The following CCDC15 variants were observed in gnomAD, a reference collection of about 807,000 sequenced individuals.
The protein encoded by CCDC15 is coiled-coil domain-containing protein 15.
In CCDC15, 105 loss-of-function variants were observed where a neutral mutation model predicts 114.5. The ratio of observed to expected loss-of-function variants is 0.92; its 90% CI spans 0.78 to 1.08. The LOEUF is 1.08. Among genes scored for constraint, CCDC15 ranks in the 50% least tolerant of loss-of-function variants. The pLI is 0.00. For synonymous variants in CCDC15, 334 were observed against 377.8 expected (o/e 0.88, Z 1.34); for missense variants, 1,105 against 1,093.6 (o/e 1.01, Z -0.15).
chr11:124,962,802 C>A (rs1947692416), intron 4 of CCDC15, among the ~76,000 whole-genome samples: 1 of 152,172 alleles, frequency 6.6e-6, no homozygotes, highest in Non-Finnish European at 1.5e-5. Flanking sequence ...TCCCCGCTTC[C>A]CACCATGCCA....
chr11:125,021,365 T>C (rs1948659471), intron 13 of CCDC15, among the ~76,000 whole-genome samples: 1 of 151,912 alleles, frequency 6.6e-6, no homozygotes, highest in African/African-American at 2.4e-5. Flanking sequence ...TTCTTCATTA[T>C]TGTTCCCCTA....
intron 15 of CCDC15, 105 bp from the exon 16 acceptor site, chr11:125,040,480 GATAGT>G: frequency 1.1e-6 from 1 of 933,404 alleles, no homozygotes; most frequent in Non-Finnish European, 1.6e-6. Context: ...TTATTCAATA[GATAGT>G]TACTTGTAAG....
chr11:124,999,404 T>C (rs1211906350), intron 11 of CCDC15, among the ~76,000 whole-genome samples: 1 of 152,198 alleles, frequency 6.6e-6, no homozygotes, highest in East Asian at 1.9e-4. Flanking sequence ...TACACAAATT[T>C]TAGACCTTTT....
chr11:125,018,653 C>T lies in CCDC15; in HGVS notation c.2411+13441C>T, dbSNP rs140161171. Reference sequence around the variant, plus strand: ...ACAATAAGGATAATAATGATATATACCTCATAAAGTTCCTGCAAGGATTAA... The same window carrying T: ...ACAATAAGGATAATAATGATATATATCTCATAAAGTTCCTGCAAGGATTAA... On this transcript the variant is annotated intron_variant, in intron 13 of 15. Coordinates refer to ENST00000344762, the MANE Select transcript of CCDC15 (RefSeq NM_025004.3). Among the ~76,000 whole-genome samples the T allele has an allele frequency of 8.8e-3, 1,332 of 152,132 alleles. 27 individuals carry two copies. Among genetic ancestry groups the T allele is most frequent in the African/African-American group, 0.031 (1,270 of 41,516 alleles).
intron 13 of CCDC15, among the ~76,000 whole-genome samples, chr11:125,006,632 T>C (rs1285806098): frequency 1.3e-5 from 2 of 152,204 alleles, no homozygotes; most frequent in African/African-American, 4.8e-5. Flanking sequence ...TGTTACCTTC[T>C]AGGAGTTTTG....
intron 6 of CCDC15, among the ~76,000 whole-genome samples, chr11:124,982,574 T>C (rs559082164): frequency 6.6e-6 from 1 of 152,308 alleles, no homozygotes; most frequent in Non-Finnish European, 1.5e-5. Context: ...GTGAAATTCT[T>C]GGTTGTAAAT....
chr11:125,029,534 A>G (rs909329204), intron 13 of CCDC15, among the ~76,000 whole-genome samples: 3 of 152,248 alleles, frequency 2.0e-5, no homozygotes, highest in Admixed American at 1.3e-4. Context: ...TAAAATGAAG[A>G]TATTTTCTTA....
chr11:125,016,264 G>GT (rs1948628646), intron 13 of CCDC15, among the ~76,000 whole-genome samples: 1 of 152,016 alleles, frequency 6.6e-6, no homozygotes, highest in South Asian at 2.1e-4. Flanking sequence ...CCTGTGAGGT[G>GT]TTTAATATTC....
Position 125,011,772 on chromosome 11 carries a change from G to A in CCDC15, c.2411+6560G>A, listed in dbSNP as rs1037572705. On this transcript the variant is annotated intron_variant, in intron 13 of 15. Transcript: ENST00000344762. ...TCTAAGTATTTTAATGTCATAAGCT[G>A]AGCTAAAAAACTGTAAAATGACATA... Among the ~76,000 whole-genome samples the A allele has an allele frequency of 4.9e-5, 7 of 143,426 alleles. 1 individual carries two copies. The highest frequency in any genetic ancestry group is 1.5e-5 in the Non-Finnish European group (1 of 66,384). The allele number at this position is 143,426 out of a possible 152,430, so 94.1% of individuals were successfully genotyped here.
chr11:124,983,095 C>G (rs957999906), intron 6 of CCDC15, among the ~76,000 whole-genome samples: 6 of 152,138 alleles, frequency 3.9e-5, no homozygotes, highest in Admixed American at 2.0e-4. Context: ...GTTATTAATA[C>G]TACTGCATTA....
At chr11:124,957,990 C>A (rs1257678447) in intron 2 of CCDC15, among the ~76,000 whole-genome samples, 1 of 152,186 alleles carries the variant, frequency 6.6e-6, no homozygotes, top group Non-Finnish European at 1.5e-5. Flanking sequence ...ACTTCTAATT[C>A]TGCTACTAGT....
At chr11:125,032,587 G>A (rs543271232) in intron 13 of CCDC15, among the ~76,000 whole-genome samples, 16 of 152,184 alleles carry the variant, frequency 1.1e-4, no homozygotes, top group Admixed American at 7.9e-4. Flanking sequence ...ACTAATTGCC[G>A]CAATTCCTCC....
At chr11:124,983,759 T>C (rs1238748035) in intron 6 of CCDC15, among the ~76,000 whole-genome samples, 2 of 152,180 alleles carry the variant, frequency 1.3e-5, no homozygotes, top group Non-Finnish European at 2.9e-5. Flanking sequence ...TGTTTTTATG[T>C]GCCAGCAGCA....
At chr11:125,005,444 C>T (rs1050197200) in intron 13 of CCDC15, among the ~76,000 whole-genome samples, 1 of 152,018 alleles carries the variant, frequency 6.6e-6, no homozygotes, top group Non-Finnish European at 1.5e-5. Flanking sequence ...CAAAATTGAG[C>T]AGAAAGTACA....
At chr11:125,021,406 C>T (rs190186252) in intron 13 of CCDC15, among the ~76,000 whole-genome samples, 31 of 151,850 alleles carry the variant, frequency 2.0e-4, no homozygotes, top group African/African-American at 6.8e-4. Flanking sequence ...TTTCTAACTG[C>T]CCCCCAATAT....
chr11:124,987,878 G>A lies in CCDC15; in HGVS notation c.1652G>A (p.Trp551Ter), dbSNP rs868062031. The A allele has an allele frequency of 6.2e-7, 1 of 1,612,662 alleles. No homozygotes were observed. Among genetic ancestry groups the A allele is most frequent in the Non-Finnish European group, 8.5e-7 (1 of 1,179,610 alleles). The part of the protein sequence containing the change: ...SRDQHVLPKD[W>*]NILPKCQDQD... The stretch of plus-strand genomic sequence containing the variant: ...GACCAGCATGTTCTCCCCAAAGACT[G>A]GAATATTCTACCCAAATGTCAGGAC... Residue 551 changes from tryptophan (W) to a stop codon, truncating the protein, a stop_gained, in exon 8 of 16, where the codon TGG (tryptophan) becomes TAG (stop). Transcript: ENST00000344762. LOFTEE classifies it high-confidence loss of function.
At chr11:125,001,257 A>T (rs1948476466) in intron 11 of CCDC15, among the ~76,000 whole-genome samples, 1 of 152,250 alleles carries the variant, frequency 6.6e-6, no homozygotes, top group African/African-American at 2.4e-5. Flanking sequence ...TCAGTTGGCA[A>T]CATGCATATT....
intron 11 of CCDC15, among the ~76,000 whole-genome samples, chr11:125,000,909 A>G (rs1399082513): frequency 6.6e-6 from 1 of 152,194 alleles, no homozygotes; most frequent in South Asian, 2.1e-4. Context: ...TCAACTAATC[A>G]ATACATAACC....
At chr11:124,997,201 G>A (rs1175972903) in intron 11 of CCDC15, among the ~76,000 whole-genome samples, 1 of 152,100 alleles carries the variant, frequency 6.6e-6, no homozygotes, top group African/African-American at 2.4e-5. Flanking sequence ...AACAAATATC[G>A]AAAAAATGTG....
Sources: gnomAD v4.1 joint callset for allele counts (sites outside exome capture counted in the v4.1 genomes callset) on GRCh38, gnomAD v4.1.1 for gene constraint, MANE v1.5 for transcripts, NCBI Gene and HGNC (gene_info 2026-07-23, HGNC 2026-07-21) for gene names.